Variants in SDK1 observed in about 807,000 individuals in gnomAD.
SDK1 encodes protein sidekick-1.
SDK1 carries 157 observed loss-of-function variants against 245.5 expected under a neutral mutation model. That is an observed-to-expected ratio of 0.64 (90% confidence interval 0.56 to 0.73). SDK1 has a LOEUF of 0.73. Among genes scored for constraint, SDK1 ranks in the 30% least tolerant of loss-of-function variants. The pLI, the probability that SDK1 is intolerant of heterozygous loss-of-function variation, is 0.00. For missense variants in SDK1, 3,583 were observed against 3,002.3 expected, an observed-to-expected ratio of 1.19 and a Z score of -4.52; for synonymous variants, 1,647 against 1,278.5, an observed-to-expected ratio of 1.29 and a Z score of -6.15.
At chr7:3,376,197 G>A (rs1411934240) in intron 1 of SDK1, among the ~76,000 whole-genome samples, 1 of 151,826 alleles carries the variant, frequency 6.6e-6, no homozygotes, top group African/African-American at 2.4e-5. Flanking sequence ...ACCCTGCCTT[G>A]GGGGAAAAAA....
intron 40 of SDK1, among the ~76,000 whole-genome samples, chr7:4,232,411 C>CTTTTTTTTTTTTT (rs71032930): frequency 4.0e-5 from 4 of 98,780 alleles, no homozygotes; most frequent in Non-Finnish European, 7.8e-5. Context: ...TCTTTTCTTT[C>CTTTTTTTTTTTTT]TTTTTTTTTT....
chr7:3,998,625 A>C (rs1001504878), intron 14 of SDK1, among the ~76,000 whole-genome samples: 3 of 152,306 alleles, frequency 2.0e-5, no homozygotes, highest in Admixed American at 6.5e-5. Context: ...CGTGGTCTTC[A>C]TCTATGACTC....
intron 1 of SDK1, among the ~76,000 whole-genome samples, chr7:3,612,073 G>A (rs1294448999): frequency 6.6e-6 from 1 of 152,056 alleles, no homozygotes; most frequent in African/African-American, 2.4e-5. Flanking sequence ...TGATACAATG[G>A]ACTTTGGGGA....
At chr7:3,356,259 G>A (rs1339869400) in intron 1 of SDK1, among the ~76,000 whole-genome samples, 1 of 152,036 alleles carries the variant, frequency 6.6e-6, no homozygotes, top group African/African-American at 2.4e-5. Context: ...TTTTTGGGGG[G>A]TGGGGGTTGG....
chr7:3,510,573 G>C (rs1782546904), intron 1 of SDK1, among the ~76,000 whole-genome samples: 1 of 152,148 alleles, frequency 6.6e-6, no homozygotes, highest in Admixed American at 6.6e-5. Context: ...GCACTTTTGA[G>C]GTTACAGAAA....
At chr7:3,851,490 C>A (rs1780418616) in intron 5 of SDK1, among the ~76,000 whole-genome samples, 1 of 152,064 alleles carries the variant, frequency 6.6e-6, no homozygotes, top group African/African-American at 2.4e-5. Context: ...CTTGCTTTGT[C>A]CAAGTTTTCC....
chr7:4,088,955 A>AGGGTGCTC (rs1781605026), intron 22 of SDK1, among the ~76,000 whole-genome samples: 1 of 151,418 alleles, frequency 6.6e-6, no homozygotes, highest in Admixed American at 6.6e-5. Context: ...GCATCTGCAC[A>AGGGTGCTC]ATGAGGCCCC....
intron 17 of SDK1, among the ~76,000 whole-genome samples, chr7:4,030,766 C>T (rs1490849926): frequency 6.6e-6 from 1 of 152,204 alleles, no homozygotes; most frequent in Non-Finnish European, 1.5e-5. Flanking sequence ...CTAGCCTTCC[C>T]GCTGTGTTTC....
chr7:4,130,437 G>A, intron 27 of SDK1: 1 of 289,130 alleles, frequency 3.5e-6, no homozygotes, highest in East Asian at 7.7e-5. Flanking sequence ...CACACTTCGT[G>A]TAGTGCCCCC....
At chr7:3,806,848 C>T (rs559400438) in intron 4 of SDK1, among the ~76,000 whole-genome samples, 24 of 152,130 alleles carry the variant, frequency 1.6e-4, no homozygotes, top group Admixed American at 1.5e-3. Context: ...CCAGTTTTTT[C>T]CCGTTTTTAT....
At chr7:3,929,326 C>T (rs986646395) in intron 5 of SDK1, among the ~76,000 whole-genome samples, 1 of 152,214 alleles carries the variant, frequency 6.6e-6, no homozygotes, top group African/African-American at 2.4e-5. Context: ...CTGTAATCTG[C>T]CAGCTTGAAC....
intron 32 of SDK1, among the ~76,000 whole-genome samples, chr7:4,168,691 T>C (rs1781647221): frequency 6.6e-6 from 1 of 152,186 alleles, no homozygotes; most frequent in Admixed American, 6.5e-5. Flanking sequence ...CAGTCTTCCT[T>C]CTGAGGTACC....
chr7:3,508,568 T>G (rs551155534), intron 1 of SDK1, among the ~76,000 whole-genome samples: 2 of 152,242 alleles, frequency 1.3e-5, no homozygotes, highest in Non-Finnish European at 2.9e-5. Flanking sequence ...CCTCAAATGA[T>G]ATACCCGCCT....
At chr7:3,517,610 C>T (rs1782794990) in intron 1 of SDK1, among the ~76,000 whole-genome samples, 1 of 152,224 alleles carries the variant, frequency 6.6e-6, no homozygotes, top group South Asian at 2.1e-4. Flanking sequence ...CAGAGCCTGT[C>T]CCGCCTAGAG....
chr7:3,844,392 A>C (rs907974954), intron 5 of SDK1, among the ~76,000 whole-genome samples: 5 of 152,216 alleles, frequency 3.3e-5, no homozygotes, highest in Admixed American at 3.3e-4. Context: ...CAGACAGGTG[A>C]GGAGGAGAGT....
intron 2 of SDK1, among the ~76,000 whole-genome samples, chr7:3,633,173 T>C (rs1782349979): frequency 6.6e-6 from 1 of 152,182 alleles, no homozygotes; most frequent in African/African-American, 2.4e-5. Context: ...ATAGATATTT[T>C]CATACCAGCA....
At chr7:3,938,113 A>T (rs1780224355) in intron 5 of SDK1, among the ~76,000 whole-genome samples, 2 of 152,212 alleles carry the variant, frequency 1.3e-5, no homozygotes, top group South Asian at 4.1e-4. Flanking sequence ...CTGGGATTAC[A>T]GGCATAAGCT....
intron 1 of SDK1, among the ~76,000 whole-genome samples, chr7:3,559,746 T>C (rs1162737009): frequency 8.0e-6 from 1 of 124,736 alleles, no homozygotes. Context: ...AGAGATGACA[T>C]TGTATTTTTT....
chr7:3,656,487 A>G (rs902982643), intron 4 of SDK1, among the ~76,000 whole-genome samples: 1 of 152,176 alleles, frequency 6.6e-6, no homozygotes, highest in Non-Finnish European at 1.5e-5. Context: ...AAGCAAATGT[A>G]CTTTGGACTC....
Sources: allele counts gnomAD v4.1 joint callset (sites outside exome capture counted in the v4.1 genomes callset), GRCh38; gene constraint gnomAD v4.1.1; transcripts MANE v1.5; gene names NCBI Gene and HGNC (gene_info 2026-07-23, HGNC 2026-07-21).